Variants in ZNF692 observed in about 807,000 individuals in gnomAD.
ZNF692 encodes the protein zinc finger protein 692, also known as AICAR responsive element binding protein.
In ZNF692, 41 loss-of-function variants were observed where a neutral mutation model predicts 49.0. That is an observed-to-expected ratio of 0.84 (90% CI 0.65 to 1.08). ZNF692 has a LOEUF of 1.08. Ranked by LOEUF, ZNF692 falls within the 50% of genes least tolerant of loss-of-function variation. The probability of loss-of-function intolerance (pLI) is 0.00; values close to 1 mark genes in which losing one functional copy is unlikely to be tolerated. For synonymous variants in ZNF692, 288 were observed against 251.5 expected (o/e 1.15, Z -1.37); for missense variants, 662 against 662.2 (o/e 1.00, Z 0.00).
At chr1:248,855,289 C>T in intron 9 of ZNF692, 91 bp downstream of exon 9, 1 of 1,306,768 alleles carries the variant, frequency 7.7e-7, no homozygotes, top group Non-Finnish European at 1.1e-6. Flanking sequence ...GTTCTGAATC[C>T]TCCCATGCCT....
rs1032419092 is a variant in ZNF692, at chr1:248,858,730, G to T, written c.-13+188C>A. Reference sequence around the variant, plus strand: ...AAAGGTCGTGTCCTGGCGTGCAGCTGGGGGCGCTCTTCATAGTTGGGTCGA... The same window carrying T: ...AAAGGTCGTGTCCTGGCGTGCAGCTTGGGGCGCTCTTCATAGTTGGGTCGA... On this transcript the variant is annotated intron_variant, in intron 1 of 11. Transcript: ENST00000306601. This position sits in a 1 kb window ranked among gnomAD's most constrained non-coding sequence, Gnocchi z 4.3. The T allele has an allele frequency of 4.5e-6, 3 of 672,298 alleles. No homozygotes were observed. Among genetic ancestry groups the T allele is most frequent in the Non-Finnish European group, 7.8e-6 (3 of 384,688 alleles). The allele number at this position is 672,298 out of a possible 1,614,324, so 41.6% of individuals were successfully genotyped here. A position where few individuals can be genotyped will look rare whatever the true frequency, so the allele number is the denominator to read the frequency against.
chr1:248,857,349 G>A lies in ZNF692; in HGVS notation c.360C>T (p.Phe120=), dbSNP rs369242198. The part of the protein sequence containing the change: ...LVWECSAGHT[F]SWGPSLSPTP... ...TAGGGCTCAAAGAGGGTCCCCAGGA[G>A]AAGGTATGGCCTGCTGAGCACTCCC... Residue 120 remains phenylalanine, a synonymous_variant, in exon 4 of 12, where the codon TTC becomes TTT. Coordinates refer to ENST00000306601, the MANE Select transcript of ZNF692 (RefSeq NM_017865.4). The A allele has an allele frequency of 1.9e-6, 3 of 1,613,994 alleles. No individual in the cohort carries two copies. In the African/African-American group the frequency reaches 4.0e-5, roughly 22 times the overall value.
chr1:248,851,045 G>A (rs1659521865), intron 10 of ZNF692: 1 of 619,950 alleles, frequency 1.6e-6, no homozygotes, highest in Non-Finnish European at 3.0e-6. Context: ...TCAAACCAAT[G>A]AACTCCTGAT....
In ZNF692 at chr1:248,850,116, C is replaced by A; in HGVS notation, c.*94G>T. ...ACTCTGTCGCCTTAGTTCCTGGGGA[C>A]CAAGCATCTGGCATTTCTCAAGCAG... On this transcript the variant is annotated 3_prime_UTR_variant, in exon 12 of 12. Coordinates refer to ENST00000306601, the MANE Select transcript of ZNF692 (RefSeq NM_017865.4). 7.1e-7 allele frequency: 1 copy of A among 1,409,702 alleles called. No individual in the cohort carries two copies. Among genetic ancestry groups the A allele is most frequent in the East Asian group, 2.4e-5 (1 of 41,938 alleles). 87.3% of individuals were successfully genotyped at this position (1,409,702 alleles called of 1,614,324 possible).
intron 4 of ZNF692, 52 bp downstream of exon 4, chr1:248,857,182 G>A (rs748008829): frequency 5.1e-5 from 79 of 1,536,530 alleles, no homozygotes; most frequent in Non-Finnish European, 6.8e-5. Flanking sequence ...TACAGAAAAT[G>A]GGAAACGTTT....
At chr1:248,856,679 G>A (rs1660280554) in intron 4 of ZNF692, 117 bp from the exon 5 acceptor site, 9 of 1,285,738 alleles carry the variant, frequency 7.0e-6, no homozygotes, top group South Asian at 6.5e-5. Context: ...ATAGAGACGG[G>A]GTCTCACTAT....
chr1:248,850,828 C>T, intron 10 of ZNF692, 47 bp from the exon 11 acceptor site: 3 of 1,549,042 alleles, frequency 1.9e-6, no homozygotes, highest in Non-Finnish European at 1.8e-6. Flanking sequence ...CACCCTGTGG[C>T]CCCTCCTTGG....
chr1:248,855,617 C>A lies in ZNF692; in HGVS notation c.900G>T (p.Gln300His). ...EALASTGSQA[Q>H]SAPTPAWDED... ...CATCCCAGGCCGGGGTTGGAGCAGA[C>A]TGGGCCTGACTCCCAGTGCTACGGG... The change falls in exon 8 of 12, where the codon CAG (glutamine) becomes CAT (histidine). Residue 300 changes from glutamine to histidine, a missense_variant. Gln to His is a conservative substitution (Grantham distance 24). Coordinates refer to ENST00000306601, the MANE Select transcript of ZNF692 (RefSeq NM_017865.4). 1 of 1,614,234 alleles carries A rather than the reference C, an allele frequency of 6.2e-7. No homozygotes were observed. Among genetic ancestry groups the A allele is most frequent in the Non-Finnish European group, 8.5e-7 (1 of 1,180,034 alleles).
rs1424080122 is a variant in ZNF692, at chr1:248,855,932, G to A, written c.674C>T (p.Ala225Val). Reference protein sequence around the residue: ...SSSPDDSEPDAPRLLPSPVTC... With the variant: ...SSSPDDSEPDVPRLLPSPVTC... ...GACAGGGGAAGGCAGTAGTCTGGGG[G>A]CATCAGGCTCACTACTGAAAGGAGA... Residue 225 changes from alanine to valine, a missense_variant, in exon 7 of 12, where the codon GCC becomes GTC. Physicochemically the swap from Ala to Val is moderately conservative, Grantham distance 64 (BLOSUM62 0). Transcript: ENST00000306601. The A allele has an allele frequency of 6.2e-7, 1 of 1,613,848 alleles. No homozygotes were observed.
chr1:248,858,328 G>A lies in ZNF692; in HGVS notation c.-12-7C>T, dbSNP rs1004174624. On this transcript the variant is annotated splice_polypyrimidine_tract_variant and splice_region_variant and intron_variant, in intron 1 of 11. Coordinates refer to ENST00000306601, the MANE Select transcript of ZNF692 (RefSeq NM_017865.4). This position sits in a 1 kb window ranked among gnomAD's most constrained non-coding sequence, Gnocchi z 4.3. Reference sequence around the variant, plus strand: ...AAGCCATGTGCACCAGAGGCTGGAGGGTGGAAGGGACGTCTTCAGCGCCCT... The same window carrying A: ...AAGCCATGTGCACCAGAGGCTGGAGAGTGGAAGGGACGTCTTCAGCGCCCT... 3.1e-5 allele frequency: 48 copies of A among 1,546,456 alleles called. No homozygotes were observed. The highest frequency in any genetic ancestry group is 4.2e-5 in the Non-Finnish European group (48 of 1,141,618).
Position 248,857,921 on chromosome 1 carries a change from C to G in ZNF692, c.180-62G>C, listed in dbSNP as rs1383530277. ...GGCCAGCCACCCTCAGCCCTGGGCA[C>G]TCACACATGTAAGGGGCCAGCCCTA... On this transcript the variant is annotated intron_variant, in intron 2 of 11. Transcript: ENST00000306601. The G allele has an allele frequency of 2.5e-6, 4 of 1,600,450 alleles. No individual in the cohort carries two copies. The African/African-American group carries it at 4.0e-5, about 16-fold the overall frequency.
chr1:248,850,798 G>A lies in ZNF692; in HGVS notation c.1154-17C>T, dbSNP rs772056586. On this transcript the variant is annotated splice_polypyrimidine_tract_variant and intron_variant, in intron 10 of 11. Coordinates refer to ENST00000306601, the MANE Select transcript of ZNF692 (RefSeq NM_017865.4). ...CCCGGGTGTCTGCAGGCATATGAGG[G>A]ACACTCCAGCATCTGCCCCCACCCT... The A allele has an allele frequency of 6.2e-7, 1 of 1,613,066 alleles. No individual in the cohort carries two copies. The highest frequency in any genetic ancestry group is 8.5e-7 in the Non-Finnish European group (1 of 1,179,482).
Position 248,855,752 on chromosome 1 carries a change from G to T in ZNF692, c.854C>A (p.Ala285Glu), listed in dbSNP as rs375365732. Residue 285 changes from alanine (A) to glutamate (E), a missense_variant, in exon 7 of 12, where the codon GCG becomes GAG. Coordinates refer to ENST00000306601, the MANE Select transcript of ZNF692 (RefSeq NM_017865.4). ...GGCCAGGGCCTCAGTCTGCTGGGCCGCTTGAGGGGTCCTGCTGAGCTGTGG... is the reference window on the plus strand; with the variant it reads ...GGCCAGGGCCTCAGTCTGCTGGGCCTCTTGAGGGGTCCTGCTGAGCTGTGG... ...VQPQLSRTPQ[A>E]AQQTEALAST... The T allele has an allele frequency of 1.2e-6, 2 of 1,614,076 alleles. No homozygotes were observed. The highest frequency in any genetic ancestry group is 1.7e-6 in the Non-Finnish European group (2 of 1,180,048).
At chr1:248,856,676 C>T (rs1394881796) in intron 4 of ZNF692, 114 bp from the exon 5 acceptor site, 14 of 1,299,310 alleles carry the variant, frequency 1.1e-5, no homozygotes, top group East Asian at 4.8e-5. Context: ...TAAATAGAGA[C>T]GGGGTCTCAC....
rs780483007 is a variant in ZNF692, at chr1:248,850,490, C to T, written c.1280G>A (p.Arg427His). The part of the protein sequence containing the change: ...LQCEICGFTC[R>H]QKASLNWHQR... ...GTGCCAGTTCAGGGAAGCCTTCTGGCGGCAGGTAAACCCGCATATCTCACA... is the reference window on the plus strand; with the variant it reads ...GTGCCAGTTCAGGGAAGCCTTCTGGTGGCAGGTAAACCCGCATATCTCACA... The change falls in exon 12 of 12, where the codon CGC (arginine) becomes CAC (histidine). Residue 427 changes from arginine to histidine, a missense_variant. Physicochemically the swap from Arg to His is conservative, Grantham distance 29 (BLOSUM62 0). Coordinates refer to ENST00000306601, the MANE Select transcript of ZNF692 (RefSeq NM_017865.4). 2.4e-5 allele frequency: 39 copies of T among 1,609,770 alleles called. No homozygotes were observed. In the East Asian group the frequency reaches 3.6e-4, roughly 15 times the overall value.
rs1337419302 is a variant in ZNF692, at chr1:248,850,220, G to A, written c.1550C>T (p.Pro517Leu). ...AAGCTGGAGGAGAGCTCATTGCTGA[G>A]GAAGCAGGGTTGGAGCCTGAGGAGA... ...SASPQAPTLL[P>L]QQ Residue 517 changes from proline (P) to leucine (L), a missense_variant, in exon 12 of 12, where the codon CCT (proline) becomes CTT (leucine). By Grantham distance (98) the Pro-to-Leu change is moderately conservative. Transcript: ENST00000306601. The A allele has an allele frequency of 6.6e-7, 1 of 1,523,732 alleles. No homozygotes were observed. Among genetic ancestry groups the A allele is most frequent in the Non-Finnish European group, 8.8e-7 (1 of 1,136,050 alleles). 94.4% of individuals were successfully genotyped at this position (1,523,732 alleles called of 1,614,324 possible).
At chr1:248,855,271 G>A in intron 9 of ZNF692, 109 bp downstream of exon 9, 1 of 1,059,438 alleles carries the variant, frequency 9.4e-7, no homozygotes, top group Admixed American at 2.0e-5. Flanking sequence ...GGTACCCTCT[G>A]CTTCCTGGTT....
chr1:248,850,962 C>T (rs772406607), intron 10 of ZNF692, 181 bp from the exon 11 acceptor site: 5 of 709,288 alleles, frequency 7.0e-6, no homozygotes, highest in Admixed American at 4.0e-5. Flanking sequence ...TGGGTCATGA[C>T]AACCAAGTAA....
At chr1:248,851,430 T>C (rs1572210583) in intron 10 of ZNF692, among the ~76,000 whole-genome samples, 1 of 152,254 alleles carries the variant, frequency 6.6e-6, no homozygotes, top group Non-Finnish European at 1.5e-5. Context: ...CAGGCTGCTG[T>C]GGTTTCTCTA....
Sources: allele counts gnomAD v4.1 joint callset (sites outside exome capture counted in the v4.1 genomes callset), GRCh38; gene constraint gnomAD v4.1.1; non-coding constraint Gnocchi (gnomAD v3.1); transcripts MANE v1.5; gene names NCBI Gene and HGNC (gene_info 2026-07-23, HGNC 2026-07-21).